The following ANKRD62 variants were observed in gnomAD, a reference collection of about 807,000 sequenced individuals.
ANKRD62 encodes the protein ankyrin repeat domain 62.
In ANKRD62, 61 loss-of-function variants were observed where a neutral mutation model predicts 98.8. That is an observed-to-expected ratio of 0.62 (90% CI 0.50 to 0.76). The LOEUF (loss-of-function observed/expected upper bound fraction) is 0.76. Ranked by LOEUF, ANKRD62 falls within the 30% of genes least tolerant of loss-of-function variation. The pLI, the probability that ANKRD62 is intolerant of heterozygous loss-of-function variation, is 0.00. For synonymous variants in ANKRD62, 341 were observed against 367.9 expected (o/e 0.93, Z 0.84); for missense variants, 933 against 1,082.9 (o/e 0.86, Z 1.94).
chr18:12,127,644 T>A (rs1339986085), intron 13 of ANKRD62, 104 bp from the exon 14 acceptor site: 3 of 755,482 alleles, frequency 4.0e-6, no homozygotes. Context: ...AGAATCAGTG[T>A]GTGGTGGTAT....
chr18:12,172,124 A>G, the ANKRD62 span, among the ~76,000 whole-genome samples: 1 of 152,166 alleles, frequency 6.6e-6, no homozygotes, highest in Non-Finnish European at 1.5e-5. Context: ...TGATCATCTG[A>G]AGCCTTCTTC....
intron 6 of ANKRD62, chr18:12,102,602 T>C: frequency 2.1e-6 from 1 of 477,024 alleles, no homozygotes; most frequent in Non-Finnish European, 2.9e-6. Flanking sequence ...TAAAACTGTT[T>C]GTCTGGGGAA....
chr18:12,126,256 A>C lies in ANKRD62; in HGVS notation c.2435A>C (p.Glu812Ala), dbSNP rs1332722221. ...KTIINIQVKCEDTVEKLQAEC... is the reference protein window; with the variant it reads ...KTIINIQVKCADTVEKLQAEC... ...ATAATTAATATCCAAGTCAAATGTG[A>C]AGATACTGTAGAAAAACTTCAAGCT... The change falls in exon 13 of 14, where the codon GAA (glutamate) becomes GCA (alanine). Residue 812 changes from glutamate to alanine, a missense_variant. By Grantham distance (107) the Glu-to-Ala change is moderately radical (BLOSUM62 -1). This residue lies in a region of ANKRD62 where 362 missense variants were observed against 434.5 expected (regional missense o/e 0.83). Transcript: ENST00000587848. 1.3e-6 allele frequency: 2 copies of C among 1,536,074 alleles called. No homozygotes were observed. Among genetic ancestry groups the C allele is most frequent in the Admixed American group, 3.9e-5 (2 of 50,996 alleles).
At chr18:12,112,775 C>G (rs1417852898) in intron 8 of ANKRD62, among the ~76,000 whole-genome samples, 1 of 152,200 alleles carries the variant, frequency 6.6e-6, no homozygotes, top group Non-Finnish European at 1.5e-5. Flanking sequence ...ACTGAACAGA[C>G]GACCTCCACA....
chr18:12,102,288 G>A lies in ANKRD62; in HGVS notation c.821-870G>A, dbSNP rs548517877. On this transcript the variant is annotated intron_variant, in intron 6 of 13. Transcript: ENST00000587848. Reference sequence around the variant, plus strand: ...CCTCTCACTAGTCCAGTGGAGAGACGCAACCTGGGAACCAGAATGGTGGCT... The same window carrying A: ...CCTCTCACTAGTCCAGTGGAGAGACACAACCTGGGAACCAGAATGGTGGCT... The A allele has an allele frequency of 4.8e-4, 357 of 738,234 alleles. 3 individuals carry two copies. The highest frequency in any genetic ancestry group is 4.1e-3 in the South Asian group (296 of 71,658). The allele number at this position is 738,234 out of a possible 1,614,324, so 45.7% of individuals were successfully genotyped here.
intron 8 of ANKRD62, among the ~76,000 whole-genome samples, chr18:12,109,535 C>T (rs1387758756): frequency 2.0e-5 from 3 of 152,174 alleles, no homozygotes. Flanking sequence ...AAGCTACATG[C>T]TATGTTGGCA....
the ANKRD62 span, among the ~76,000 whole-genome samples, chr18:12,150,986 C>A: frequency 0.019 from 2,876 of 152,218 alleles, 84 homozygotes; most frequent in African/African-American, 0.065. Context: ...AAAAAGGCAC[C>A]GTGTGGCAAG....
chr18:12,105,692 C>T (rs1267906142), intron 7 of ANKRD62, among the ~76,000 whole-genome samples: 2 of 137,660 alleles, frequency 1.5e-5, no homozygotes, highest in African/African-American at 2.7e-5. Context: ...TATCTATATA[C>T]ATAATTGTGC....
rs1219933693 is a variant in ANKRD62 at position 12,129,479 on chromosome 18, G to A, written c.*1540G>A. ...ACAGGTAATAGGGGCCAGGCACGGT[G>A]GCTCACGCCTGTAATCCCAACACTT... On this transcript the variant is annotated 3_prime_UTR_variant, in exon 14 of 14. Transcript: ENST00000587848. The A allele has an allele frequency of 6.6e-6, 1 of 152,340 alleles. No individual in the cohort carries two copies. Among genetic ancestry groups the A allele is most frequent in the Non-Finnish European group, 1.5e-5 (1 of 68,180 alleles). 9.4% of individuals were successfully genotyped at this position (152,340 alleles called of 1,614,324 possible). A position where few individuals can be genotyped will look rare whatever the true frequency, so the allele number is the denominator to read the frequency against.
chr18:12,167,092 A>C, the ANKRD62 span, among the ~76,000 whole-genome samples: 1 of 151,910 alleles, frequency 6.6e-6, no homozygotes, highest in South Asian at 2.1e-4. Flanking sequence ...CACGGTGTAC[A>C]TGTGCCACAT....
At chr18:12,130,887 A>G (rs1166165010), downstream of ANKRD62, among the ~76,000 whole-genome samples, 1 of 152,074 alleles carries the variant, frequency 6.6e-6, no homozygotes, top group African/African-American at 2.4e-5. Flanking sequence ...AGATGGTTTC[A>G]CCATGTTGGC....
intron 5 of ANKRD62, chr18:12,098,682 G>T (rs891914633): frequency 6.6e-6 from 1 of 152,202 alleles, no homozygotes. Flanking sequence ...TGAGAATGGC[G>T]CTGAGTAAAC....
At chr18:12,168,376 A>G in the ANKRD62 span, among the ~76,000 whole-genome samples, 1 of 152,102 alleles carries the variant, frequency 6.6e-6, no homozygotes, top group African/African-American at 2.4e-5. Context: ...TCCCAGCACC[A>G]TTTATTAAAT....
the ANKRD62 span, among the ~76,000 whole-genome samples, chr18:12,173,031 G>T: frequency 6.6e-6 from 1 of 152,222 alleles, no homozygotes; most frequent in Admixed American, 6.5e-5. Flanking sequence ...CTAGGAAAGA[G>T]AATTCTCTGA....
Position 12,102,373 on chromosome 18 carries a change from T to C in ANKRD62, c.821-785T>C, listed in dbSNP as rs959399697. On this transcript the variant is annotated intron_variant, in intron 6 of 13. Coordinates refer to ENST00000587848, the MANE Select transcript of ANKRD62 (RefSeq NM_001277333.2). ...CGGGGGTAGGTCGGTTCTGAAGTAA[T>C]GCTGAGATAGGAGCAGGTGTGACCA... is the stretch of plus-strand genomic sequence containing the variant. 15 of 602,454 alleles carry C rather than the reference T, an allele frequency of 2.5e-5. No individual in the cohort carries two copies. In the Admixed American group the frequency reaches 2.5e-4, roughly 10 times the overall value. 37.3% of individuals were successfully genotyped at this position (602,454 alleles called of 1,614,324 possible). A position where few individuals can be genotyped will look rare whatever the true frequency, so the allele number is the denominator to read the frequency against.
the ANKRD62 span, among the ~76,000 whole-genome samples, chr18:12,162,371 GA>G: frequency 6.6e-6 from 1 of 151,964 alleles, no homozygotes; most frequent in Non-Finnish European, 1.5e-5. Context: ...TGGATTATTA[GA>G]TTTTTTTTCC....
intron 10 of ANKRD62, among the ~76,000 whole-genome samples, chr18:12,119,266 T>C (rs1909733958): frequency 6.6e-6 from 1 of 152,124 alleles, no homozygotes; most frequent in Non-Finnish European, 1.5e-5. Context: ...GTATTTTCTC[T>C]TCTTCTTGAT....
At chr18:12,115,583 G>A in intron 10 of ANKRD62, 49 bp downstream of exon 10, 1 of 1,471,464 alleles carries the variant, frequency 6.8e-7, no homozygotes, top group Non-Finnish European at 9.1e-7. Flanking sequence ...CTATAGTAAT[G>A]TATGCACATA....
intron 10 of ANKRD62, among the ~76,000 whole-genome samples, chr18:12,118,504 G>T (rs1419080560): frequency 6.6e-6 from 1 of 151,912 alleles, no homozygotes; most frequent in Non-Finnish European, 1.5e-5. Context: ...AGCTACTCAG[G>T]AGGCTGAAGC....
Sources: gnomAD v4.1 joint callset for allele counts (sites outside exome capture counted in the v4.1 genomes callset) on GRCh38, gnomAD v4.1.1 for gene constraint, gnomAD v4.1.1 regional missense constraint, MANE v1.5 for transcripts, NCBI Gene and HGNC (gene_info 2026-07-23, HGNC 2026-07-21) for gene names.